The following SGCZ variants were observed in gnomAD, a reference collection of about 807,000 sequenced individuals.
SGCZ encodes the protein sarcoglycan zeta.
A neutral mutation model predicts 41.3 loss-of-function variants in SGCZ; 40 were observed. The ratio of observed to expected loss-of-function variants is 0.97; its 90% CI spans 0.75 to 1.26. The LOEUF (loss-of-function observed/expected upper bound fraction) is 1.26. Among genes scored for constraint, SGCZ ranks in the 50% most tolerant of loss-of-function variants. The probability of loss-of-function intolerance (pLI) is 0.00; values close to 1 mark genes in which losing one functional copy is unlikely to be tolerated. For synonymous variants in SGCZ, 206 were observed against 137.5 expected (o/e 1.50, Z -3.49); for missense variants, 552 against 369.8 (o/e 1.49, Z -4.04).
intron 1 of SGCZ, among the ~76,000 whole-genome samples, chr8:15,095,568 T>A (rs1806315718): frequency 6.6e-6 from 1 of 152,196 alleles, no homozygotes; most frequent in Non-Finnish European, 1.5e-5. Flanking sequence ...AAAATTAAGA[T>A]TCCTCACAAA....
intron 2 of SGCZ, among the ~76,000 whole-genome samples, chr8:14,395,539 G>C (rs928995574): frequency 4.6e-5 from 7 of 152,122 alleles, no homozygotes; most frequent in African/African-American, 1.7e-4. Flanking sequence ...ACTAGGTGAA[G>C]GTACGGCTAC....
At chr8:14,674,364 G>C (rs1808204403) in intron 1 of SGCZ, among the ~76,000 whole-genome samples, 3 of 151,908 alleles carry the variant, frequency 2.0e-5, no homozygotes, top group Admixed American at 2.0e-4. Context: ...ATTGTTCAAA[G>C]TAATTAAAAC....
At chr8:14,204,215 T>C (rs1481125519) in intron 4 of SGCZ, among the ~76,000 whole-genome samples, 1 of 151,942 alleles carries the variant, frequency 6.6e-6, no homozygotes, top group Non-Finnish European at 1.5e-5. Flanking sequence ...GGTAATTTGT[T>C]TGTGTCATAT....
intron 5 of SGCZ, among the ~76,000 whole-genome samples, chr8:14,132,961 G>C (rs1366692253): frequency 6.6e-6 from 1 of 152,060 alleles, no homozygotes; most frequent in African/African-American, 2.4e-5. Context: ...CTTGTGCTCA[G>C]CTAGTGTTTT....
chr8:14,168,349 ATATGG>A (rs1262853024), intron 4 of SGCZ, among the ~76,000 whole-genome samples: 1 of 152,172 alleles, frequency 6.6e-6, no homozygotes, highest in Non-Finnish European at 1.5e-5. Flanking sequence ...ATACACTGTA[ATATGG>A]TTTGGTTGTC....
intron 1 of SGCZ, among the ~76,000 whole-genome samples, chr8:14,749,012 T>C (rs1563244327): frequency 6.6e-6 from 1 of 152,152 alleles, no homozygotes; most frequent in Non-Finnish European, 1.5e-5. Flanking sequence ...GGTTAGCTTT[T>C]ATATACAAAA....
intron 2 of SGCZ, among the ~76,000 whole-genome samples, chr8:14,475,220 T>C (rs1172131756): frequency 6.6e-6 from 1 of 152,158 alleles, no homozygotes; most frequent in Non-Finnish European, 1.5e-5. Context: ...TATAGTTTTA[T>C]TTGCTTTTTT....
In SGCZ at chr8:15,194,950, C is replaced by T. The variant is rs1030563423; in HGVS notation, c.39+42635G>A. 5.9e-5 allele frequency among the ~76,000 whole-genome samples: 9 copies of T among 152,076 alleles called. No individual in the cohort carries two copies. The East Asian group carries it at 1.2e-3, about 20-fold the overall frequency. ...ACATTGCGAAAGTATCTACAACTTG[C>T]GACGTCGTTTTTAAAAAGGAAATGT... is the stretch of plus-strand genomic sequence containing the variant. On this transcript the variant is annotated intron_variant, in intron 1 of 7. Transcript: ENST00000382080.
intron 4 of SGCZ, among the ~76,000 whole-genome samples, chr8:14,227,380 T>C (rs1472366674): frequency 6.6e-6 from 1 of 152,042 alleles, no homozygotes; most frequent in Non-Finnish European, 1.5e-5. Flanking sequence ...AATAGACTGA[T>C]GGGTTTGTGA....
In SGCZ at chr8:14,845,293, A is replaced by G. The variant is rs114124145; in HGVS notation, c.40-290367T>C. Among the ~76,000 whole-genome samples, 444 of 152,294 alleles carry G rather than the reference A, an allele frequency of 2.9e-3. 3 individuals are homozygous for G. Among genetic ancestry groups the G allele is most frequent in the African/African-American group, 1.0e-2 (414 of 41,564 alleles). ...GGGAATAATTATTCCTACACTGAGTACTGCTCCAGACATGCCTAACAATTC... is the reference window on the plus strand; with the variant it reads ...GGGAATAATTATTCCTACACTGAGTGCTGCTCCAGACATGCCTAACAATTC... On this transcript the variant is annotated intron_variant, in intron 1 of 7. Transcript: ENST00000382080.
chr8:14,749,813 CG>C (rs1198432775), intron 1 of SGCZ, among the ~76,000 whole-genome samples: 4 of 151,850 alleles, frequency 2.6e-5, no homozygotes, highest in African/African-American at 9.7e-5. Context: ...CACTGGAAGA[CG>C]GAATTTTTAA....
intron 2 of SGCZ, among the ~76,000 whole-genome samples, chr8:14,334,645 A>T (rs1319161694): frequency 1.3e-5 from 2 of 151,784 alleles, no homozygotes; most frequent in African/African-American, 4.8e-5. Context: ...CAAATTTCTT[A>T]TTTGCCTCAA....
At chr8:14,156,379 T>A (rs1166352601) in intron 5 of SGCZ, among the ~76,000 whole-genome samples, 7 of 152,086 alleles carry the variant, frequency 4.6e-5, no homozygotes, top group Non-Finnish European at 1.0e-4. Context: ...GAGAATGGCA[T>A]GAACCCAGGA....
chr8:14,578,645 G>A (rs1223668226), intron 1 of SGCZ, among the ~76,000 whole-genome samples: 1 of 152,130 alleles, frequency 6.6e-6, no homozygotes, highest in South Asian at 2.1e-4. Flanking sequence ...GGCACATTCT[G>A]AGGTCAATTT....
At chr8:15,103,774 A>C (rs557156614) in intron 1 of SGCZ, among the ~76,000 whole-genome samples, 14 of 152,300 alleles carry the variant, frequency 9.2e-5, no homozygotes, top group East Asian at 7.7e-4. Flanking sequence ...TTAAACAGTA[A>C]ATTCCCAGCA....
Position 14,610,806 on chromosome 8 carries a change from A to C in SGCZ, c.40-55880T>G, listed in dbSNP as rs540409568. On this transcript the variant is annotated intron_variant, in intron 1 of 7. Coordinates refer to ENST00000382080, the MANE Select transcript of SGCZ (RefSeq NM_139167.4). ...GAATTAATAGGATAGTTGAGTGTTC[A>C]CACAGATACTTCATCTTCAGAATTG... is the stretch of plus-strand genomic sequence containing the variant. Among the ~76,000 whole-genome samples, 20 of 152,342 alleles carry C rather than the reference A, an allele frequency of 1.3e-4. No homozygotes were observed. The South Asian group carries it at 3.5e-3, about 27-fold the overall frequency.
chr8:14,584,150 A>C (rs1804984125), intron 1 of SGCZ, among the ~76,000 whole-genome samples: 1 of 152,152 alleles, frequency 6.6e-6, no homozygotes, highest in South Asian at 2.1e-4. Flanking sequence ...CATAGATTTA[A>C]ATAGCAAAAG....
intron 1 of SGCZ, among the ~76,000 whole-genome samples, chr8:14,839,356 G>T (rs1185256435): frequency 1.3e-5 from 2 of 152,056 alleles, no homozygotes; most frequent in East Asian, 3.9e-4. Context: ...CCCATTGTGT[G>T]GGCATACATG....
At chr8:14,177,648 T>C (rs1211736088) in intron 4 of SGCZ, among the ~76,000 whole-genome samples, 1 of 150,684 alleles carries the variant, frequency 6.6e-6, no homozygotes, top group Non-Finnish European at 1.5e-5. Flanking sequence ...TAGCTGGGAC[T>C]ACAGGCGCCC....
Sources: allele counts gnomAD v4.1 joint callset (sites outside exome capture counted in the v4.1 genomes callset), GRCh38; gene constraint gnomAD v4.1.1; transcripts MANE v1.5; gene names NCBI Gene and HGNC (gene_info 2026-07-23, HGNC 2026-07-21).